Variants in ALS2 observed in about 807,000 individuals in gnomAD.
ALS2 encodes alsin.
In ALS2, 117 loss-of-function variants were observed where a neutral mutation model predicts 203.4. The ratio of observed to expected loss-of-function variants is 0.58; its 90% CI spans 0.50 to 0.67. The LOEUF (loss-of-function observed/expected upper bound fraction) is 0.67, where lower values mean the gene tolerates loss of function less well. Ranked by LOEUF, ALS2 falls within the 30% of genes least tolerant of loss-of-function variation. The probability of loss-of-function intolerance (pLI) is 0.00; values close to 1 mark genes in which losing one functional copy is unlikely to be tolerated. For synonymous variants in ALS2, 718 were observed against 725.9 expected (o/e 0.99, Z 0.17); for missense variants, 1,715 against 1,989.4 (o/e 0.86, Z 2.62).
rs564512089 is a variant in ALS2 at position 201,761,028 on chromosome 2, T to C, written c.966A>G (p.Gln322=). ...ITSSDAMSSQ[Q]NVMGTTEISS... The stretch of plus-strand genomic sequence containing the variant: ...AAATTTCAGTTGTTCCCATGACATT[T>C]TGTTGAGAGGACATGGCATCGCTGC... The change falls in exon 4 of 34, where the codon CAA becomes CAG. Residue 322 remains glutamine (Q), a synonymous_variant. Coordinates refer to ENST00000264276, the MANE Select transcript of ALS2 (RefSeq NM_020919.4). 1 of 1,614,176 alleles carries C rather than the reference T, an allele frequency of 6.2e-7. No individual in the cohort carries two copies. The highest frequency in any genetic ancestry group is 8.5e-7 in the Non-Finnish European group (1 of 1,180,028).
intron 10 of ALS2, among the ~76,000 whole-genome samples, chr2:201,743,517 C>T (rs1692429542): frequency 6.6e-6 from 1 of 152,148 alleles, no homozygotes; most frequent in Admixed American, 6.5e-5. Context: ...TGGAGTCTTG[C>T]TCTGTCACCC....
At chr2:201,721,712 G>A (rs1690810036) in intron 23 of ALS2, among the ~76,000 whole-genome samples, 1 of 152,208 alleles carries the variant, frequency 6.6e-6, no homozygotes, top group East Asian at 1.9e-4. Flanking sequence ...CACCCAGGCT[G>A]GAGCACAGTG....
chr2:201,741,652 T>C (rs1313676752), intron 11 of ALS2, 22 bp downstream of exon 11: 2 of 1,612,064 alleles, frequency 1.2e-6, no homozygotes, highest in African/African-American at 1.3e-5. Context: ...AGATTGAACA[T>C]GACACGGGAC....
intron 3 of ALS2, among the ~76,000 whole-genome samples, chr2:201,766,232 T>C (rs942361939): frequency 1.3e-5 from 2 of 152,246 alleles, no homozygotes; most frequent in African/African-American, 4.8e-5. Context: ...TTTATTACCA[T>C]AAAATTTTAA....
chr2:201,764,383 G>A (rs1213682308), intron 3 of ALS2, among the ~76,000 whole-genome samples: 1 of 152,068 alleles, frequency 6.6e-6, no homozygotes, highest in African/African-American at 2.4e-5. Context: ...TGTAATCCCA[G>A]CACTTTGGGA....
chr2:201,777,163 A>C (rs1694698922), intron 1 of ALS2, among the ~76,000 whole-genome samples: 2 of 152,114 alleles, frequency 1.3e-5, no homozygotes, highest in East Asian at 3.8e-4. Context: ...GCCTTATTAT[A>C]CAACTTGCTC....
At chr2:201,780,790 C>G (rs1336270986) in intron 1 of ALS2, 87 bp downstream of exon 1, 1 of 153,210 alleles carries the variant, frequency 6.5e-6, no homozygotes, top group Non-Finnish European at 1.5e-5. Context: ...CCGCCTAGCT[C>G]CCTGTCCCCG....
rs1691101490 is a variant in ALS2, at chr2:201,725,402, C to T, written c.3301G>A (p.Val1101Met). 2 of 1,613,966 alleles carry T rather than the reference C, an allele frequency of 1.2e-6. No homozygotes were observed. Among genetic ancestry groups the T allele is most frequent in the African/African-American group, 1.3e-5 (1 of 74,922 alleles). ...NKAMNKEDHY[V>M]GHWKEGKMCG... is the part of the protein sequence containing the mutation. ...ATTTTTCCTTCTTTCCAATGGCCCA[C>T]ATAATGGTCTTCTTTGTTCATTGCC... Residue 1101 changes from valine (V) to methionine (M), a missense_variant, in exon 20 of 34, where the codon GTG (valine) becomes ATG (methionine). By Grantham distance (21) the Val-to-Met change is conservative. Transcript: ENST00000264276.
chr2:201,727,101 C>G, intron 17 of ALS2, 111 bp downstream of exon 17: 4 of 1,097,564 alleles, frequency 3.6e-6, no homozygotes, highest in Non-Finnish European at 4.2e-6. Context: ...ATTTATCAGA[C>G]AGAACTGTGC....
rs377598010 is a variant in ALS2 at position 201,757,845 on chromosome 2, C to T, written c.1114-86G>A. ...AATAAAAAGAAAGGCTAATATCCAT[C>T]GCTATTTGCATGTAAGAATCTAAAA... On this transcript the variant is annotated intron_variant, in intron 4 of 33. Transcript: ENST00000264276. 1.6e-3 allele frequency: 1,658 copies of T among 1,041,920 alleles called. 43 individuals are homozygous for T. In the South Asian group the frequency reaches 0.024, roughly 15 times the overall value. 64.5% of individuals were successfully genotyped at this position (1,041,920 alleles called of 1,614,324 possible).
chr2:201,749,664 T>C, intron 8 of ALS2, 48 bp downstream of exon 8: 1 of 1,448,260 alleles, frequency 6.9e-7, no homozygotes, highest in Non-Finnish European at 9.7e-7. Context: ...TATAAGGTGT[T>C]ACAGCTAAGA....
chr2:201,729,432 T>C (rs977101019), intron 13 of ALS2, among the ~76,000 whole-genome samples: 1 of 152,068 alleles, frequency 6.6e-6, no homozygotes, highest in Non-Finnish European at 1.5e-5. Context: ...AGTTAGTGAA[T>C]AGAGCAGCAG....
At chr2:201,752,119 T>C (rs1225471922) in intron 7 of ALS2, among the ~76,000 whole-genome samples, 1 of 152,184 alleles carries the variant, frequency 6.6e-6, no homozygotes, top group African/African-American at 2.4e-5. Context: ...CTGGAATATT[T>C]TGGGGACTGT....
rs118147279 is a variant in ALS2, at chr2:201,734,170, T to A, written c.2418-732A>T. The stretch of plus-strand genomic sequence containing the variant: ...TAGCTCACCAAACCAAAATACTTAA[T>A]GGTAAAGCAGTAAGAGTTGGTGAGC... On this transcript the variant is annotated intron_variant, in intron 12 of 33. Coordinates refer to ENST00000264276, the MANE Select transcript of ALS2 (RefSeq NM_020919.4). Among the ~76,000 whole-genome samples, 784 of 152,208 alleles carry A rather than the reference T, an allele frequency of 5.2e-3. 17 individuals are homozygous for A. Among genetic ancestry groups the A allele is most frequent in the East Asian group, 0.045 (235 of 5,174 alleles).
rs77050119 is a variant in ALS2, at chr2:201,769,841, G to T, written c.-60-896C>A. Among the ~76,000 whole-genome samples, 833 of 152,296 alleles carry T rather than the reference G, an allele frequency of 5.5e-3. 12 individuals are homozygous for T. Among genetic ancestry groups the T allele is most frequent in the African/African-American group, 0.019 (805 of 41,562 alleles). ...GAATGGTCACTGTGTTCTGGAAACA[G>T]CTCATACTGGCAGGAGTGATCTGGG... On this transcript the variant is annotated intron_variant, in intron 1 of 33. Transcript: ENST00000264276.
In ALS2 at chr2:201,768,930, G is replaced by C. The variant is rs200003438; in HGVS notation, c.-45C>G. 8.1e-6 allele frequency: 13 copies of C among 1,597,272 alleles called. No individual in the cohort carries two copies. The highest frequency in any genetic ancestry group is 5.4e-5 in the African/African-American group (4 of 74,048). On this transcript the variant is annotated 5_prime_UTR_variant, in exon 2 of 34. Transcript: ENST00000264276. ...ATCACCAAATCATTCCTTCTTTACA[G>C]AAAGTCTATCAAGACCTAAACAGTA...
intron 11 of ALS2, 68 bp from the exon 12 acceptor site, chr2:201,738,803 A>G (rs1048700436): frequency 2.4e-6 from 3 of 1,265,106 alleles, no homozygotes; most frequent in Middle Eastern, 1.8e-4. Context: ...TTCCAAACAC[A>G]TACCTGGAAT....
intron 1 of ALS2, among the ~76,000 whole-genome samples, chr2:201,777,126 T>C (rs1197827968): frequency 6.6e-6 from 1 of 152,140 alleles, no homozygotes; most frequent in Non-Finnish European, 1.5e-5. Flanking sequence ...TGTATCTGAG[T>C]CACAACATGT....
chr2:201,736,382 A>G (rs1277358479), intron 12 of ALS2, among the ~76,000 whole-genome samples: 1 of 152,160 alleles, frequency 6.6e-6, no homozygotes, highest in Non-Finnish European at 1.5e-5. Flanking sequence ...AATGGATTAG[A>G]AAAATACTTT....
Sources: gnomAD v4.1 joint callset for allele counts (sites outside exome capture counted in the v4.1 genomes callset) on GRCh38, gnomAD v4.1.1 for gene constraint, MANE v1.5 for transcripts, NCBI Gene and HGNC (gene_info 2026-07-23, HGNC 2026-07-21) for gene names.